The following ASAP1 variants were observed in gnomAD, a reference collection of about 807,000 sequenced individuals.
The protein encoded by ASAP1 is ArfGAP with SH3 domain, ankyrin repeat and PH domain 1.
Under a neutral mutation model 145.2 loss-of-function variants are expected in ASAP1, and 43 were observed. The ratio of observed to expected loss-of-function variants is 0.30; its 90% confidence interval spans 0.23 to 0.38. The LOEUF (loss-of-function observed/expected upper bound fraction) is 0.38, where lower values mean the gene tolerates loss of function less well. Ranked by LOEUF, ASAP1 falls within the 10% of genes least tolerant of loss-of-function variation. The pLI is 1.00. For synonymous variants in ASAP1, 546 were observed against 515.5 expected, an observed-to-expected ratio of 1.06 and a Z score of -0.80; for missense variants, 1,018 against 1,355.3, an observed-to-expected ratio of 0.75 and a Z score of 3.91.
intron 2 of ASAP1, among the ~76,000 whole-genome samples, chr8:130,367,422 C>G (rs1200151998): frequency 1.3e-5 from 2 of 152,218 alleles, no homozygotes; most frequent in East Asian, 3.8e-4. Context: ...CCAGCTAGAT[C>G]TATTTTTATG....
intron 24 of ASAP1, among the ~76,000 whole-genome samples, chr8:130,108,629 T>C (rs574723496): frequency 6.6e-6 from 1 of 152,092 alleles, no homozygotes; most frequent in Non-Finnish European, 1.5e-5. Context: ...TGAAACCCTG[T>C]CCCTACTAAA....
chr8:130,382,146 C>T (rs139653939), intron 2 of ASAP1, among the ~76,000 whole-genome samples: 16,409 of 151,624 alleles, frequency 0.11, 1,002 homozygotes, highest in South Asian at 0.27. Flanking sequence ...ATTAGCTGGG[C>T]GTGGTGGCAG....
At chr8:130,142,575 GGCCCAGGGA>G (rs1167463505) in intron 13 of ASAP1, among the ~76,000 whole-genome samples, 2 of 152,146 alleles carry the variant, frequency 1.3e-5, no homozygotes, top group African/African-American at 4.8e-5. Flanking sequence ...TACGTATGGG[GGCCCAGGGA>G]GCCCAGGGAC....
chr8:130,134,691 C>T (rs921308596), intron 14 of ASAP1, among the ~76,000 whole-genome samples: 3 of 152,208 alleles, frequency 2.0e-5, no homozygotes, highest in Non-Finnish European at 4.4e-5. Context: ...ACCATGCATA[C>T]ATCTGGCACT....
At chr8:130,419,648 G>C (rs1282541950) in intron 1 of ASAP1, among the ~76,000 whole-genome samples, 1 of 152,018 alleles carries the variant, frequency 6.6e-6, no homozygotes, top group Non-Finnish European at 1.5e-5. Flanking sequence ...TAGTGCAAGG[G>C]CTTGCTCCTC....
At chr8:130,146,500 A>C (rs989211706) in intron 13 of ASAP1, among the ~76,000 whole-genome samples, 5 of 152,208 alleles carry the variant, frequency 3.3e-5, no homozygotes, top group Admixed American at 3.3e-4. Flanking sequence ...GGAGCGAAGA[A>C]AAATATTCTC....
intron 3 of ASAP1, among the ~76,000 whole-genome samples, chr8:130,246,089 G>A (rs912673525): frequency 2.0e-5 from 3 of 151,902 alleles, no homozygotes; most frequent in South Asian, 2.1e-4. Context: ...TAATCACTGC[G>A]AGTTGTAAAG....
chr8:130,058,591 G>A lies in ASAP1; in HGVS notation c.3193-515C>T, dbSNP rs562844244. The stretch of plus-strand genomic sequence containing the variant: ...ACACAGCAGGATCGGCCTGGGGCTC[G>A]GAGAAGTCTATGCAGTTCCTAAAAC... On this transcript the variant is annotated intron_variant, in intron 28 of 29. Transcript: ENST00000518721. 2.3e-4 allele frequency among the ~76,000 whole-genome samples: 35 copies of A among 152,298 alleles called. 1 individual carries two copies. In the East Asian group the frequency reaches 3.5e-3, roughly 15 times the overall value.
At chr8:130,318,355 TACAGGCATTAGCC>T (rs1310523480) in intron 3 of ASAP1, among the ~76,000 whole-genome samples, 1 of 152,224 alleles carries the variant, frequency 6.6e-6, no homozygotes, top group Non-Finnish European at 1.5e-5. Context: ...GTGTTGGGAT[TACAGGCATTAGCC>T]ACCATACCCA....
intron 5 of ASAP1, among the ~76,000 whole-genome samples, chr8:130,196,303 C>T (rs1815485372): frequency 6.6e-6 from 1 of 151,148 alleles, no homozygotes; most frequent in African/African-American, 2.4e-5. Context: ...GATCACGCCA[C>T]TGTGCTCCAG....
At chr8:130,365,674 C>T (rs1303331955) in intron 2 of ASAP1, among the ~76,000 whole-genome samples, 1 of 152,060 alleles carries the variant, frequency 6.6e-6, no homozygotes, top group Non-Finnish European at 1.5e-5. Context: ...GTATCATTTT[C>T]CAGGGTACCA....
chr8:130,366,402 G>A (rs1032554410), intron 2 of ASAP1, among the ~76,000 whole-genome samples: 1 of 152,148 alleles, frequency 6.6e-6, no homozygotes, highest in Non-Finnish European at 1.5e-5. Flanking sequence ...CACATGCAGA[G>A]TGTAGGTCAA....
At chr8:130,165,690 C>T (rs2097678570) in intron 11 of ASAP1, among the ~76,000 whole-genome samples, 1 of 152,204 alleles carries the variant, frequency 6.6e-6, no homozygotes, top group African/African-American at 2.4e-5. Context: ...GCCTACTCCA[C>T]AGGTTAGCAG....
At chr8:130,233,242 A>G (rs1285205806) in intron 4 of ASAP1, among the ~76,000 whole-genome samples, 1 of 152,148 alleles carries the variant, frequency 6.6e-6, no homozygotes, top group Non-Finnish European at 1.5e-5. Flanking sequence ...TTTCCATTTG[A>G]TGGATCCATT....
chr8:130,326,037 T>G (rs536336241), intron 3 of ASAP1, among the ~76,000 whole-genome samples: 3 of 152,228 alleles, frequency 2.0e-5, no homozygotes, highest in Non-Finnish European at 4.4e-5. Context: ...ATGGCGGAGC[T>G]GGCTTAGGAA....
At chr8:130,416,159 G>A (rs1243888241) in intron 1 of ASAP1, among the ~76,000 whole-genome samples, 13 of 152,090 alleles carry the variant, frequency 8.5e-5, no homozygotes, top group Admixed American at 3.9e-4. Flanking sequence ...CAGGCCCGAC[G>A]CCACTCCCCG....
intron 3 of ASAP1, among the ~76,000 whole-genome samples, chr8:130,295,891 C>T (rs948782130): frequency 3.9e-5 from 6 of 152,068 alleles, no homozygotes; most frequent in East Asian, 1.9e-4. Flanking sequence ...ATAGGAGCTG[C>T]GCTATATTAA....
chr8:130,131,808 C>G (rs2097583597), intron 15 of ASAP1, among the ~76,000 whole-genome samples: 1 of 151,966 alleles, frequency 6.6e-6, no homozygotes, highest in African/African-American at 2.4e-5. Context: ...AGAAACAAAA[C>G]AAAACTGCAA....
chr8:130,437,381 G>C (rs991654978), intron 1 of ASAP1, among the ~76,000 whole-genome samples: 2 of 152,164 alleles, frequency 1.3e-5, no homozygotes, highest in African/African-American at 4.8e-5. Context: ...TACCATCTAC[G>C]AGACCCTTGT....
Sources: gnomAD v4.1 joint callset for allele counts (sites outside exome capture counted in the v4.1 genomes callset) on GRCh38, gnomAD v4.1.1 for gene constraint, MANE v1.5 for transcripts, NCBI Gene and HGNC (gene_info 2026-07-23, HGNC 2026-07-21) for gene names.